Variants in PCDHGA9 observed in about 807,000 individuals in gnomAD.
PCDHGA9 encodes the protein protocadherin gamma-A9.
A neutral mutation model predicts 62.5 loss-of-function variants in PCDHGA9; 37 were observed. The observed-to-expected ratio is 0.59, with a 90% CI of 0.46 to 0.78. The LOEUF is 0.78. Ranked by LOEUF, PCDHGA9 falls within the 30% of genes least tolerant of loss-of-function variation. The pLI, the probability that PCDHGA9 is intolerant of heterozygous loss-of-function variation, is 0.00. For missense variants in PCDHGA9, 1,138 were observed against 1,166.2 expected, an observed-to-expected ratio of 0.98 and a Z score of 0.35; for synonymous variants, 459 against 484.6, an observed-to-expected ratio of 0.95 and a Z score of 0.69.
At chr5:141,478,423 C>A (rs1355847104) in intron 1 of PCDHGA9, 1 of 1,613,672 alleles carries the variant, frequency 6.2e-7, no homozygotes, top group Admixed American at 1.7e-5. Context: ...CCCGCCGCAG[C>A]GACCCGCTGC....
Position 141,477,778 on chromosome 5 carries a change from C to T in PCDHGA9, c.2425-17029C>T, listed in dbSNP as rs866423908. On this transcript the variant is annotated intron_variant, in intron 1 of 3. Transcript: ENST00000573521. This position sits in a 1 kb window ranked among gnomAD's most constrained non-coding sequence, Gnocchi z 4.9. ...TCCTAGCCACCAACATCAGCGTGAA[C>T]ATATTTGTCACTGATCGCAATGACA... 2.5e-6 allele frequency: 4 copies of T among 1,614,052 alleles called. No homozygotes were observed. In the African/African-American group the frequency reaches 5.3e-5, roughly 22 times the overall value.
chr5:141,472,770 G>C (rs953423129), intron 1 of PCDHGA9, among the ~76,000 whole-genome samples: 5 of 152,046 alleles, frequency 3.3e-5, no homozygotes, highest in Admixed American at 6.6e-5. Flanking sequence ...CAGATCACCT[G>C]AGGTTGGGAG....
rs2099883762 is a variant in PCDHGA9, at chr5:141,511,396, C to T, written c.*223C>T. 9.8e-7 allele frequency: 1 copy of T among 1,016,834 alleles called. No homozygotes were observed. Among genetic ancestry groups the T allele is most frequent in the South Asian group, 1.7e-5 (1 of 58,996 alleles). The allele number at this position is 1,016,834 out of a possible 1,614,324, so 63.0% of individuals were successfully genotyped here. ...AAGCAGTTCCGCTGGGAACCCCCAT[C>T]CAATCAACTGCTGTACCCATGGGGG... On this transcript the variant is annotated 3_prime_UTR_variant, in exon 4 of 4. Coordinates refer to ENST00000573521, the MANE Select transcript of PCDHGA9 (RefSeq NM_018921.3).
rs2099383865 is a variant in PCDHGA9, at chr5:141,476,005, A to G, written c.2425-18802A>G. 1 of 1,267,576 alleles carries G rather than the reference A, an allele frequency of 7.9e-7. No homozygotes were observed. Among genetic ancestry groups the G allele is most frequent in the East Asian group, 2.3e-5 (1 of 42,864 alleles). 78.5% of individuals were successfully genotyped at this position (1,267,576 alleles called of 1,614,324 possible). A position where few individuals can be genotyped will look rare whatever the true frequency, so the allele number is the denominator to read the frequency against. ...CGGCGAGCAAATCAACGGCATCCAG[A>G]AAGCCATGTCGGACTCGGCGCCCAG... On this transcript the variant is annotated intron_variant, in intron 1 of 3. Coordinates refer to ENST00000573521, the MANE Select transcript of PCDHGA9 (RefSeq NM_018921.3). This position sits in a 1 kb window ranked among gnomAD's most constrained non-coding sequence, Gnocchi z 7.6.
rs767197233 is a variant in PCDHGA9, at chr5:141,418,642, C to T, written c.2424+13266C>T. On this transcript the variant is annotated intron_variant, in intron 1 of 3. Coordinates refer to ENST00000573521, the MANE Select transcript of PCDHGA9 (RefSeq NM_018921.3). ...AAGACGTGCCTCCAGGCACCTCCAT[C>T]CTGAGAGTGAAGGCCACTGACCAGG... The T allele has an allele frequency of 2.3e-5, 37 of 1,614,028 alleles. No individual in the cohort carries two copies. In the South Asian group the frequency reaches 3.6e-4, roughly 16 times the overall value.
At chr5:141,502,169 G>A (rs1366413076) in intron 2 of PCDHGA9, among the ~76,000 whole-genome samples, 1 of 152,110 alleles carries the variant, frequency 6.6e-6, no homozygotes, top group African/African-American at 2.4e-5. Flanking sequence ...ATTCAGTTGA[G>A]GAATTTAACA....
chr5:141,474,985 C>T (rs2099357651), intron 1 of PCDHGA9, among the ~76,000 whole-genome samples: 1 of 152,202 alleles, frequency 6.6e-6, no homozygotes, highest in Non-Finnish European at 1.5e-5. Context: ...TGTTTGGTGA[C>T]AACAATTCTA....
At chr5:141,459,427 G>A (rs1489214494) in intron 1 of PCDHGA9, among the ~76,000 whole-genome samples, 2 of 152,228 alleles carry the variant, frequency 1.3e-5, no homozygotes, top group Non-Finnish European at 2.9e-5. Flanking sequence ...ATATCACAAT[G>A]TGTTCATTCA....
intron 2 of PCDHGA9, among the ~76,000 whole-genome samples, chr5:141,498,825 C>A (rs2099786017): frequency 6.6e-6 from 1 of 151,974 alleles, no homozygotes; most frequent in Admixed American, 6.6e-5. Flanking sequence ...CCCAGCTACT[C>A]AGGAGGCTGA....
chr5:141,473,850 G>A (rs1490458424), intron 1 of PCDHGA9, among the ~76,000 whole-genome samples: 1 of 152,184 alleles, frequency 6.6e-6, no homozygotes, highest in African/African-American at 2.4e-5. Flanking sequence ...TTAGGAAGAT[G>A]AACCTCGCTA....
At chr5:141,427,861 T>G (rs776215800) in intron 1 of PCDHGA9, 2 of 1,556,958 alleles carry the variant, frequency 1.3e-6, no homozygotes, top group Admixed American at 1.7e-5. Flanking sequence ...CTGTGCGCCT[T>G]CGAGCTCACG....
Position 141,419,271 on chromosome 5 carries a change from T to C in PCDHGA9, c.2424+13895T>C, listed in dbSNP as rs2096352878. 4 of 1,613,902 alleles carry C rather than the reference T, an allele frequency of 2.5e-6. No homozygotes were observed. In the South Asian group the frequency reaches 3.3e-5, roughly 13 times the overall value. ...GAAAACAACCAGCCGGGTGCCTCCA[T>C]AGCGCAAGTCAGTGCCTCTGACCCA... On this transcript the variant is annotated intron_variant, in intron 1 of 3. Transcript: ENST00000573521.
Position 141,404,200 on chromosome 5 carries a change from A to C in PCDHGA9, c.1248A>C (p.Ser416=). The part of the protein sequence containing the change: ...TAQILDREKA[S]EYNITVTATD... ...AAATTCTTGACCGAGAAAAAGCCTC[A>C]GAATATAATATCACGGTGACTGCAA... The change falls in exon 1 of 4, where the codon TCA becomes TCC. Residue 416 remains serine (S), a synonymous_variant. Transcript: ENST00000573521. The C allele has an allele frequency of 6.2e-7, 1 of 1,613,696 alleles. No individual in the cohort carries two copies. Among genetic ancestry groups the C allele is most frequent in the Non-Finnish European group, 8.5e-7 (1 of 1,179,722 alleles).
At position 141,485,135 on chromosome 5, in the gene PCDHGA9, G is replaced by A; in HGVS notation, c.2425-9672G>A. 6.7e-7 allele frequency: 1 copy of A among 1,500,498 alleles called. No individual in the cohort carries two copies. Among genetic ancestry groups the A allele is most frequent in the East Asian group, 2.3e-5 (1 of 44,254 alleles). 92.9% of individuals were successfully genotyped at this position (1,500,498 alleles called of 1,614,324 possible). A position where few individuals can be genotyped will look rare whatever the true frequency, so the allele number is the denominator to read the frequency against. On this transcript the variant is annotated intron_variant, in intron 1 of 3. Coordinates refer to ENST00000573521, the MANE Select transcript of PCDHGA9 (RefSeq NM_018921.3). The surrounding 1 kb of genome is among the most constrained non-coding windows in gnomAD (Gnocchi z 5.7). ...TGTTTGGGGCGGGTCGGCTTCATCCGCGTCTCAGGAGCAAGTAGAGAATTA... is the reference window on the plus strand; with the variant it reads ...TGTTTGGGGCGGGTCGGCTTCATCCACGTCTCAGGAGCAAGTAGAGAATTA...
At chr5:141,443,169 T>C (rs946262743) in intron 1 of PCDHGA9, among the ~76,000 whole-genome samples, 2 of 152,170 alleles carry the variant, frequency 1.3e-5, no homozygotes, top group Non-Finnish European at 2.9e-5. Flanking sequence ...TCCCTACCCA[T>C]GTCCACTGCA....
At chr5:141,433,220 T>C (rs781745522) in intron 1 of PCDHGA9, 1 of 1,509,734 alleles carries the variant, frequency 6.6e-7, no homozygotes, top group South Asian at 1.2e-5. Flanking sequence ...TTTTTTTTTT[T>C]AATTGCTCTG....
At chr5:141,452,161 A>G (rs559274240) in intron 1 of PCDHGA9, among the ~76,000 whole-genome samples, 1 of 152,204 alleles carries the variant, frequency 6.6e-6, no homozygotes, top group South Asian at 2.1e-4. Context: ...GTTATATTCT[A>G]TTACTAACAT....
chr5:141,479,211 A>G (rs2099490342), intron 1 of PCDHGA9: 1 of 152,422 alleles, frequency 6.6e-6, no homozygotes, highest in African/African-American at 2.4e-5. Context: ...AAGTATTTAA[A>G]AAATTAAAAC....
intron 1 of PCDHGA9, among the ~76,000 whole-genome samples, chr5:141,465,785 T>G (rs564238782): frequency 6.6e-6 from 1 of 152,262 alleles, no homozygotes; most frequent in South Asian, 2.1e-4. Flanking sequence ...TACAGTTTTT[T>G]TTTTTTTAAG....
Sources: allele counts gnomAD v4.1 joint callset (sites outside exome capture counted in the v4.1 genomes callset), GRCh38; gene constraint gnomAD v4.1.1; non-coding constraint Gnocchi (gnomAD v3.1); transcripts MANE v1.5; gene names NCBI Gene and HGNC (gene_info 2026-07-23, HGNC 2026-07-21).